SLC5A8: variants seen among roughly 807,000 people sequenced by gnomAD.
The protein encoded by SLC5A8 is sodium-coupled monocarboxylate transporter 1.
Under a neutral mutation model 71.9 loss-of-function variants are expected in SLC5A8, and 55 were observed. That is an observed-to-expected ratio of 0.77 (90% CI 0.62 to 0.96). The LOEUF (loss-of-function observed/expected upper bound fraction) is 0.96. Ranked by LOEUF, SLC5A8 falls within the 40% of genes least tolerant of loss-of-function variation. The pLI is 0.00. For synonymous variants in SLC5A8, 307 were observed against 276.1 expected (o/e 1.11, Z -1.11); for missense variants, 701 against 745.3 (o/e 0.94, Z 0.69).
Position 101,209,827 on chromosome 12 carries a change from C to A in SLC5A8, c.22G>T (p.Gly8Cys), listed in dbSNP as rs374426626. 1.3e-6 allele frequency: 2 copies of A among 1,572,936 alleles called. No individual in the cohort carries two copies. Among genetic ancestry groups the A allele is most frequent in the Admixed American group, 1.8e-5 (1 of 57,082 alleles). Residue 8 changes from glycine to cysteine, a missense_variant, in exon 1 of 15, where the codon GGC becomes TGC. Physicochemically the swap from Gly to Cys is radical, Grantham distance 159. Coordinates refer to ENST00000536262, the MANE Select transcript of SLC5A8 (RefSeq NM_145913.5). ...ACGTAGTCCCACACCACGAAGGTGC[C>A]GATGCCCCGTGGCGTGTCCATGGCC... MDTPRGIGTFVVWDYVVF... is the reference protein window; with the variant it reads MDTPRGICTFVVWDYVVF...
intron 3 of SLC5A8, among the ~76,000 whole-genome samples, chr12:101,196,124 A>C (rs1869167436): frequency 6.6e-6 from 1 of 152,088 alleles, no homozygotes; most frequent in South Asian, 2.1e-4. Flanking sequence ...AGTACCCATT[A>C]AACCATTTGT....
In SLC5A8 at chr12:101,157,144, T is replaced by C; in HGVS notation, c.*135A>G. The C allele has an allele frequency of 9.9e-7, 1 of 1,008,078 alleles. No homozygotes were observed. Among genetic ancestry groups the C allele is most frequent in the Non-Finnish European group, 1.4e-6 (1 of 716,708 alleles). The allele number at this position is 1,008,078 out of a possible 1,614,324, so 62.4% of individuals were successfully genotyped here. A position where few individuals can be genotyped will look rare whatever the true frequency, so the allele number is the denominator to read the frequency against. Reference sequence around the variant, plus strand: ...TAGTAAATGAAGATAGTCCAGACTTTGTTTTAACAAAAACTTATCCCCCAA... The same window carrying C: ...TAGTAAATGAAGATAGTCCAGACTTCGTTTTAACAAAAACTTATCCCCCAA... On this transcript the variant is annotated 3_prime_UTR_variant, in exon 15 of 15. Transcript: ENST00000536262.
intron 12 of SLC5A8, among the ~76,000 whole-genome samples, chr12:101,162,420 C>T (rs1478248833): frequency 1.3e-5 from 2 of 152,146 alleles, no homozygotes; most frequent in East Asian, 1.9e-4. Context: ...ATAAATTGTT[C>T]TACCAAAAAG....
chr12:101,179,047 C>T (rs547335520), intron 10 of SLC5A8, among the ~76,000 whole-genome samples: 86 of 152,106 alleles, frequency 5.7e-4, no homozygotes, highest in Non-Finnish European at 7.1e-4. Flanking sequence ...AAATAAGTCG[C>T]TGAAAAACAT....
At chr12:101,166,289 A>T (rs546443973) in intron 12 of SLC5A8, among the ~76,000 whole-genome samples, 1 of 152,354 alleles carries the variant, frequency 6.6e-6, no homozygotes, top group East Asian at 1.9e-4. Flanking sequence ...AGATCTGTAG[A>T]CAAGGCAGAA....
Position 101,191,503 on chromosome 12 carries a change from T to C in SLC5A8, c.693-895A>G, listed in dbSNP as rs531840136. Among the ~76,000 whole-genome samples the C allele has an allele frequency of 2.6e-3, 393 of 152,330 alleles. 1 individual carries two copies. The highest frequency in any genetic ancestry group is 0.017 in the Middle Eastern group (5 of 294). On this transcript the variant is annotated intron_variant, in intron 5 of 14. Coordinates refer to ENST00000536262, the MANE Select transcript of SLC5A8 (RefSeq NM_145913.5). Reference sequence around the variant, plus strand: ...GAGAGCCTCTATTTCATGTCTAACATTTCATATCAAAGTGTAAGAGTTTCA... The same window carrying C: ...GAGAGCCTCTATTTCATGTCTAACACTTCATATCAAAGTGTAAGAGTTTCA...
In SLC5A8 at chr12:101,159,671, A is replaced by C. The variant is rs115772248; in HGVS notation, c.1631-1343T>G. ...TACTGGATCCCAGTCACTGAGGTAGAGTGTTACTTCTTGAAACAAAAGATA... is the reference window on the plus strand; with the variant it reads ...TACTGGATCCCAGTCACTGAGGTAGCGTGTTACTTCTTGAAACAAAAGATA... On this transcript the variant is annotated intron_variant, in intron 13 of 14. Coordinates refer to ENST00000536262, the MANE Select transcript of SLC5A8 (RefSeq NM_145913.5). Among the ~76,000 whole-genome samples, 856 of 152,328 alleles carry C rather than the reference A, an allele frequency of 5.6e-3. 5 individuals carry two copies. The highest frequency in any genetic ancestry group is 0.02 in the African/African-American group (813 of 41,572).
chr12:101,193,117 G>C (rs1868993018), intron 5 of SLC5A8, among the ~76,000 whole-genome samples: 1 of 151,924 alleles, frequency 6.6e-6, no homozygotes, highest in East Asian at 1.9e-4. Flanking sequence ...GATTACAGGT[G>C]CCTGCCACCA....
intron 5 of SLC5A8, among the ~76,000 whole-genome samples, chr12:101,192,536 C>T (rs1361006238): frequency 1.3e-5 from 2 of 152,098 alleles, no homozygotes; most frequent in East Asian, 1.9e-4. Context: ...TGATCCAAAA[C>T]GGAAGGCGTT....
At chr12:101,209,076 A>G (rs886163691) in intron 1 of SLC5A8, among the ~76,000 whole-genome samples, 13 of 152,238 alleles carry the variant, frequency 8.5e-5, no homozygotes, top group South Asian at 8.3e-4. Flanking sequence ...GGAAGAGTGA[A>G]TGGGGCTGAG....
chr12:101,183,399 C>A (rs1157202820), intron 8 of SLC5A8, among the ~76,000 whole-genome samples: 1 of 151,980 alleles, frequency 6.6e-6, no homozygotes, highest in East Asian at 1.9e-4. Context: ...CTGTTATCAT[C>A]CAAAAATGAT....
In SLC5A8 at chr12:101,157,335, T is replaced by C. The variant is rs2051675110; in HGVS notation, c.1777A>G (p.Asn593Asp). 1.2e-6 allele frequency: 2 copies of C among 1,613,418 alleles called. No homozygotes were observed. Among genetic ancestry groups the C allele is most frequent in the African/African-American group, 1.3e-5 (1 of 74,904 alleles). The part of the protein sequence containing the change: ...EDGGTDNPAF[N>D]HIELNSDQSG... Reference sequence around the variant, plus strand: ...TGATCTGAGTTCAATTCAATGTGGTTGAAAGCAGGATTATCAGTTCCACCA... The same window carrying C: ...TGATCTGAGTTCAATTCAATGTGGTCGAAAGCAGGATTATCAGTTCCACCA... Residue 593 changes from asparagine (N) to aspartate (D), a missense_variant, in exon 15 of 15, where the codon AAC becomes GAC. Transcript: ENST00000536262.
intron 1 of SLC5A8, among the ~76,000 whole-genome samples, chr12:101,208,039 G>A (rs1869745589): frequency 6.6e-6 from 1 of 151,860 alleles, no homozygotes; most frequent in African/African-American, 2.4e-5. Flanking sequence ...AGCCTTTTGA[G>A]TTCTCGAAAG....
intron 3 of SLC5A8, 130 bp downstream of exon 3, chr12:101,202,034 C>T: frequency 2.2e-6 from 2 of 892,556 alleles, no homozygotes; most frequent in South Asian, 1.5e-5. Context: ...CCATCCTGCC[C>T]CGCTAAGTAA....
At chr12:101,158,899 T>A (rs1036351203) in intron 13 of SLC5A8, among the ~76,000 whole-genome samples, 1 of 148,722 alleles carries the variant, frequency 6.7e-6, no homozygotes, top group Non-Finnish European at 1.5e-5. Context: ...AAGTGAAAAT[T>A]AGTATGCTGA....
chr12:101,201,460 G>A (rs150612411), intron 3 of SLC5A8, among the ~76,000 whole-genome samples: 146 of 152,294 alleles, frequency 9.6e-4, no homozygotes, highest in African/African-American at 3.2e-3. Context: ...TTACAAGGAC[G>A]TTTTAGAGAA....
At chr12:101,195,776 A>C (rs1869148903) in intron 3 of SLC5A8, among the ~76,000 whole-genome samples, 1 of 145,712 alleles carries the variant, frequency 6.9e-6, no homozygotes, top group African/African-American at 2.6e-5. Flanking sequence ...AGCTCACTGC[A>C]ATCTCCACCT....
intron 3 of SLC5A8, 61 bp from the exon 4 acceptor site, chr12:101,195,223 A>G (rs143830839): frequency 6.4e-7 from 1 of 1,553,844 alleles, no homozygotes; most frequent in East Asian, 2.3e-5. Context: ...AATAATCCTC[A>G]AAAATCATCA....
chr12:101,171,655 A>T (rs1357151234), intron 10 of SLC5A8, among the ~76,000 whole-genome samples: 1 of 152,162 alleles, frequency 6.6e-6, no homozygotes, highest in African/African-American at 2.4e-5. Context: ...AGACTCGCCA[A>T]TGATGGGGGA....
Sources: gnomAD v4.1 joint callset for allele counts (sites outside exome capture counted in the v4.1 genomes callset) on GRCh38, gnomAD v4.1.1 for gene constraint, MANE v1.5 for transcripts, NCBI Gene and HGNC (gene_info 2026-07-23, HGNC 2026-07-21) for gene names.